The following NDEL1 variants were observed in gnomAD, a reference collection of about 807,000 sequenced individuals.
NDEL1 encodes the protein nuclear distribution protein nudE-like 1.
NDEL1 carries 9 observed loss-of-function variants against 45.7 expected under a neutral mutation model. The ratio of observed to expected loss-of-function variants is 0.20; its 90% CI spans 0.12 to 0.34. NDEL1 has a LOEUF of 0.34. NDEL1 is among the 10% of genes least tolerant of loss of function. The pLI is 1.00. For missense variants in NDEL1, 306 were observed against 406.2 expected, an observed-to-expected ratio of 0.75 and a Z score of 2.12; for synonymous variants, 133 against 158.6, an observed-to-expected ratio of 0.84 and a Z score of 1.21.
At chr17:8,442,248 G>A (rs1418646506) in intron 1 of NDEL1, among the ~76,000 whole-genome samples, 1 of 152,050 alleles carries the variant, frequency 6.6e-6, no homozygotes, top group Admixed American at 6.6e-5. Flanking sequence ...ATAATGATAG[G>A]TTTTCTAATA....
chr17:8,432,339 TA>T (rs1218757102), upstream of NDEL1, among the ~76,000 whole-genome samples: 214 of 10,836 alleles, frequency 0.02, 8 homozygotes, highest in South Asian at 0.36. Context: ...ATATATATAT[TA>T]TATATAAATA....
chr17:8,428,499 G>A (rs1185440397), intron 1 of NDEL1, among the ~76,000 whole-genome samples: 2 of 151,228 alleles, frequency 1.3e-5, no homozygotes, highest in East Asian at 3.9e-4. Context: ...CGAGTAGCTG[G>A]GATTACAGGC....
intron 1 of NDEL1, chr17:8,443,998 GC>G: frequency 3.4e-6 from 1 of 294,934 alleles, no homozygotes; most frequent in South Asian, 5.2e-5. Context: ...AAGTCACCCA[GC>G]GCCTATGCTG....
chr17:8,452,630 C>A (rs1443502480), intron 6 of NDEL1, among the ~76,000 whole-genome samples: 2 of 151,694 alleles, frequency 1.3e-5, no homozygotes, highest in Non-Finnish European at 2.9e-5. Context: ...CTGAAGTGGT[C>A]TGTCTTTAAT....
At chr17:8,435,752 T>A (rs528489495), upstream of NDEL1, 9 of 344,916 alleles carry the variant, frequency 2.6e-5, no homozygotes, top group African/African-American at 9.2e-5. Flanking sequence ...CAGCTTGGCG[T>A]CAGCGCGCCG....
Position 8,460,101 on chromosome 17 carries a change from G to A in NDEL1, c.885G>A (p.Val295=). ...SYISGNVNCG[V]LNGNGTKFSR... is the part of the protein sequence containing the mutation. Reference sequence around the variant, plus strand: ...TTTCAGGGAATGTTAACTGTGGGGTGCTGAATGGCAATGGCACAAAGTTCT... The same window carrying A: ...TTTCAGGGAATGTTAACTGTGGGGTACTGAATGGCAATGGCACAAAGTTCT... Residue 295 remains valine (V), a synonymous_variant, in exon 8 of 9, where the codon GTG becomes GTA. Coordinates refer to ENST00000334527, the MANE Select transcript of NDEL1 (RefSeq NM_030808.5). 1 of 1,614,166 alleles carries A rather than the reference G, an allele frequency of 6.2e-7. No homozygotes were observed.
chr17:8,455,022 C>A, intron 7 of NDEL1, 135 bp downstream of exon 7: 2 of 814,648 alleles, frequency 2.5e-6, no homozygotes, highest in Non-Finnish European at 2.0e-6. Flanking sequence ...GCAAAAGCAT[C>A]CATTGACTAG....
intron 2 of NDEL1, among the ~76,000 whole-genome samples, chr17:8,445,375 T>C (rs1910014122): frequency 6.6e-6 from 1 of 152,214 alleles, no homozygotes; most frequent in South Asian, 2.1e-4. Context: ...CTGTTGAATA[T>C]GGTAGAAGGA....
chr17:8,446,447 C>T lies in NDEL1; in HGVS notation c.241-307C>T, dbSNP rs145247501. Among the ~76,000 whole-genome samples, 331 of 152,178 alleles carry T rather than the reference C, an allele frequency of 2.2e-3. 1 individual carries two copies. Among genetic ancestry groups the T allele is most frequent in the African/African-American group, 6.9e-3 (286 of 41,524 alleles). ...TGTGAACTCTGTGCTTACCCTGGGC[C>T]GCATTTAGCCTGAAAATCCAGAGGT... On this transcript the variant is annotated intron_variant, in intron 3 of 8. Coordinates refer to ENST00000334527, the MANE Select transcript of NDEL1 (RefSeq NM_030808.5).
Position 8,467,451 on chromosome 17 carries a change from A to G in NDEL1, c.*428A>G, listed in dbSNP as rs1911674864. The G allele has an allele frequency of 2.6e-6, 1 of 387,852 alleles. No homozygotes were observed. The highest frequency in any genetic ancestry group is 4.6e-6 in the Non-Finnish European group (1 of 219,616). The allele number at this position is 387,852 out of a possible 1,614,324, so 24.0% of individuals were successfully genotyped here. Reference sequence around the variant, plus strand: ...TCAATGTGTGCCCTCCTGAGCTCCCACCCAGGCATCTCCAGTGCTCATGAT... The same window carrying G: ...TCAATGTGTGCCCTCCTGAGCTCCCGCCCAGGCATCTCCAGTGCTCATGAT... On this transcript the variant is annotated 3_prime_UTR_variant, in exon 9 of 9. Transcript: ENST00000334527. This position sits in a 1 kb window ranked among gnomAD's most constrained non-coding sequence, Gnocchi z 6.3.
downstream of NDEL1, among the ~76,000 whole-genome samples, chr17:8,470,704 T>A (rs1911813618): frequency 6.6e-6 from 1 of 152,230 alleles, no homozygotes; most frequent in Admixed American, 6.5e-5. The surrounding 1 kb of genome is among the most constrained non-coding windows in gnomAD (Gnocchi z 4.2). Flanking sequence ...CTTTTTCTGC[T>A]GTGCCTTTCC....
chr17:8,423,737 C>T (rs185815551), intron 1 of NDEL1, among the ~76,000 whole-genome samples: 4 of 152,184 alleles, frequency 2.6e-5, no homozygotes, highest in Admixed American at 2.6e-4. Context: ...TGACAACATA[C>T]ATAACATCAG....
chr17:8,468,445 G>A (rs558773473), downstream of NDEL1, among the ~76,000 whole-genome samples: 415 of 152,366 alleles, frequency 2.7e-3, 2 homozygotes, highest in South Asian at 3.5e-3. Flanking sequence ...GAGGGCGGAA[G>A]TTCACAAAGT....
exon 1 of NDEL1, chr17:8,413,144 G>A (rs1029359319): frequency 7.5e-6 from 1 of 133,882 alleles, no homozygotes; most frequent in African/African-American, 3.0e-5. Context: ...TCCCATCCTT[G>A]CGTATCTTTG....
At chr17:8,423,705 C>T (rs1167539291) in intron 1 of NDEL1, among the ~76,000 whole-genome samples, 1 of 151,792 alleles carries the variant, frequency 6.6e-6, no homozygotes, top group South Asian at 2.1e-4. Flanking sequence ...AACAAACAAA[C>T]AAAAAAGGAG....
chr17:8,473,260 C>G lies in NDEL1; in HGVS notation c.417+13100C>G, dbSNP rs550710065. On this transcript the variant is annotated intron_variant, in intron 3 of 3. Transcript: ENST00000581679. The stretch of plus-strand genomic sequence containing the variant: ...GGAGTGCAGTGGTGTGATCTCGGCT[C>G]ACTGCAGCCTCCACCTCCCAGGTTC... Among the ~76,000 whole-genome samples, 7 of 149,298 alleles carry G rather than the reference C, an allele frequency of 4.7e-5. No individual in the cohort carries two copies. In the South Asian group the frequency reaches 1.5e-3, roughly 32 times the overall value.
intron 2 of NDEL1, among the ~76,000 whole-genome samples, chr17:8,445,356 G>T (rs560448604): frequency 1.3e-5 from 2 of 152,302 alleles, no homozygotes; most frequent in South Asian, 4.1e-4. Flanking sequence ...GTGAAAATAT[G>T]TGTGATTTCT....
intron 1 of NDEL1, among the ~76,000 whole-genome samples, chr17:8,440,238 C>G (rs1292339527): frequency 6.6e-6 from 1 of 152,142 alleles, no homozygotes; most frequent in Non-Finnish European, 1.5e-5. Context: ...AAGAATGTGA[C>G]CAGGCGCGGT....
intron 1 of NDEL1, among the ~76,000 whole-genome samples, chr17:8,419,639 A>T (rs1908652737): frequency 6.6e-6 from 1 of 152,122 alleles, no homozygotes; most frequent in Non-Finnish European, 1.5e-5. Context: ...ACCCCATCTA[A>T]TCCTGTTTCC....
Sources: gnomAD v4.1 joint callset for allele counts (sites outside exome capture counted in the v4.1 genomes callset) on GRCh38, gnomAD v4.1.1 for gene constraint, Gnocchi (gnomAD v3.1) non-coding constraint, MANE v1.5 for transcripts, NCBI Gene and HGNC (gene_info 2026-07-23, HGNC 2026-07-21) for gene names.